SENP5: variants seen among roughly 807,000 people sequenced by gnomAD.
SENP5 encodes the protein SUMO specific peptidase 5.
Under a neutral mutation model 74.2 loss-of-function variants are expected in SENP5, and 21 were observed. That is an observed-to-expected ratio of 0.28 (90% CI 0.20 to 0.41). The LOEUF is 0.41. Ranked by LOEUF, SENP5 falls within the 10% of genes least tolerant of loss-of-function variation. The pLI, the probability that SENP5 is intolerant of heterozygous loss-of-function variation, is 1.00. For synonymous variants in SENP5, 311 were observed against 312.7 expected (o/e 0.99, Z 0.06); for missense variants, 717 against 889.1 (o/e 0.81, Z 2.46).
chr3:196,870,801 A>G (rs1713181790), intron 1 of SENP5, among the ~76,000 whole-genome samples: 1 of 152,024 alleles, frequency 6.6e-6, no homozygotes, highest in South Asian at 2.1e-4. Flanking sequence ...TACAGGTGTG[A>G]GCCACTGTAT....
At chr3:196,888,656 T>C (rs537552573) in intron 2 of SENP5, among the ~76,000 whole-genome samples, 27 of 151,986 alleles carry the variant, frequency 1.8e-4, no homozygotes, top group Admixed American at 3.9e-4. Flanking sequence ...TTAAAAGATA[T>C]ATATGACATA....
intron 1 of SENP5, among the ~76,000 whole-genome samples, chr3:196,875,512 C>G (rs550289948): frequency 6.6e-6 from 1 of 152,126 alleles, no homozygotes; most frequent in Non-Finnish European, 1.5e-5. Context: ...TCTTCTGTTC[C>G]TCATCTACCC....
chr3:196,911,145 G>A (rs557959678), intron 6 of SENP5, among the ~76,000 whole-genome samples: 2 of 152,262 alleles, frequency 1.3e-5, no homozygotes, highest in East Asian at 3.9e-4. Context: ...GTACCATTCA[G>A]GACATAGGCG....
At chr3:196,907,400 G>C (rs540776995) in intron 6 of SENP5, among the ~76,000 whole-genome samples, 1 of 149,078 alleles carries the variant, frequency 6.7e-6, no homozygotes, top group African/African-American at 2.5e-5. Context: ...AGCTTGCAGT[G>C]AGCCAAGATC....
chr3:196,882,465 T>C (rs187164323), intron 1 of SENP5, among the ~76,000 whole-genome samples: 1 of 152,284 alleles, frequency 6.6e-6, no homozygotes, highest in Non-Finnish European at 1.5e-5. Flanking sequence ...TGGTCTGTTT[T>C]TATCCCTAGA....
At chr3:196,928,837 T>G (rs1268104526) in intron 8 of SENP5, among the ~76,000 whole-genome samples, 1 of 152,328 alleles carries the variant, frequency 6.6e-6, no homozygotes, top group East Asian at 1.9e-4. Flanking sequence ...GTATTCTAAA[T>G]TTAGTCAGGA....
chr3:196,898,259 A>G (rs1015171672), intron 2 of SENP5, among the ~76,000 whole-genome samples: 2 of 151,512 alleles, frequency 1.3e-5, no homozygotes, highest in Non-Finnish European at 2.9e-5. Context: ...TCATTCAGGG[A>G]TATATATAAG....
chr3:196,904,964 A>C (rs115481376), intron 6 of SENP5: 1 of 152,134 alleles, frequency 6.6e-6, no homozygotes, highest in Non-Finnish European at 1.5e-5. Context: ...TTCAGGCGCT[A>C]TCTTCGCTCA....
At chr3:196,884,218 C>T (rs572925729) in intron 1 of SENP5, among the ~76,000 whole-genome samples, 1 of 152,214 alleles carries the variant, frequency 6.6e-6, no homozygotes, top group Non-Finnish European at 1.5e-5. Flanking sequence ...CCACGCTCCT[C>T]TGTTACCAGT....
At position 196,886,564 on chromosome 3, in the gene SENP5, T is replaced by A. The variant is rs539480129; in HGVS notation, c.1383T>A (p.Pro461=). The A allele has an allele frequency of 1.9e-6, 3 of 1,614,000 alleles. No individual in the cohort carries two copies. Among genetic ancestry groups the A allele is most frequent in the African/African-American group, 2.7e-5 (2 of 75,062 alleles). The part of the protein sequence containing the change: ...SILSSELLDH[P]YCKSPLEAPL... Reference sequence around the variant, plus strand: ...TTAGTTCTGAGTTGCTGGACCACCCTTACTGTAAAAGTCCACTGGAGGCTC... The same window carrying A: ...TTAGTTCTGAGTTGCTGGACCACCCATACTGTAAAAGTCCACTGGAGGCTC... The change falls in exon 2 of 10, where the codon CCT becomes CCA. Residue 461 remains proline, a synonymous_variant. Transcript: ENST00000323460.
chr3:196,922,301 T>C (rs1715649156), intron 6 of SENP5, among the ~76,000 whole-genome samples: 1 of 152,214 alleles, frequency 6.6e-6, no homozygotes, highest in Admixed American at 6.5e-5. Flanking sequence ...TTACCAGTCA[T>C]GTGACTAATA....
intron 1 of SENP5, among the ~76,000 whole-genome samples, chr3:196,876,630 CTA>C (rs1713484793): frequency 6.6e-6 from 1 of 150,408 alleles, no homozygotes; most frequent in Admixed American, 6.7e-5. Flanking sequence ...TGGCTCGTGT[CTA>C]TAATCTCAGC....
At chr3:196,869,759 CAAAAAAAA>C (rs58745670) in intron 1 of SENP5, among the ~76,000 whole-genome samples, 2 of 37,982 alleles carry the variant, frequency 5.3e-5, no homozygotes, top group East Asian at 8.7e-4. Flanking sequence ...AACTCCGTCT[CAAAAAAAA>C]AAAAAAAAAA....
At chr3:196,923,103 CCAGGT>C in intron 6 of SENP5, among the ~76,000 whole-genome samples, 1 of 152,118 alleles carries the variant, frequency 6.6e-6, no homozygotes, top group Admixed American at 6.5e-5. Flanking sequence ...AGAGTTGAAT[CCAGGT>C]TAAATATGTA....
At chr3:196,912,379 C>G (rs1426803988) in intron 6 of SENP5, among the ~76,000 whole-genome samples, 2 of 152,022 alleles carry the variant, frequency 1.3e-5, no homozygotes, top group Non-Finnish European at 2.9e-5. Context: ...AATAAGAACA[C>G]ATGGACATAG....
At chr3:196,912,221 A>G (rs1715163629) in intron 6 of SENP5, among the ~76,000 whole-genome samples, 1 of 152,236 alleles carries the variant, frequency 6.6e-6, no homozygotes, top group Non-Finnish European at 1.5e-5. Context: ...GTACATACGC[A>G]CCATGGAATA....
chr3:196,870,321 A>G (rs140723133), intron 1 of SENP5, among the ~76,000 whole-genome samples: 1 of 152,096 alleles, frequency 6.6e-6, no homozygotes, highest in African/African-American at 2.4e-5. Flanking sequence ...AATTAAGGTA[A>G]ATAGGCCATC....
chr3:196,903,680 A>G, intron 6 of SENP5, 70 bp downstream of exon 6: 1 of 863,774 alleles, frequency 1.2e-6, no homozygotes, highest in Non-Finnish European at 1.8e-6. Context: ...GTGGAAGGAT[A>G]AGTACTTTAA....
intron 2 of SENP5, among the ~76,000 whole-genome samples, chr3:196,891,638 C>CA (rs1162841629): frequency 6.6e-6 from 1 of 152,078 alleles, no homozygotes; most frequent in Non-Finnish European, 1.5e-5. Context: ...TCTATTGCTA[C>CA]AAAAAATAAA....
Sources: gnomAD v4.1 joint callset for allele counts (sites outside exome capture counted in the v4.1 genomes callset) on GRCh38, gnomAD v4.1.1 for gene constraint, MANE v1.5 for transcripts, NCBI Gene and HGNC (gene_info 2026-07-23, HGNC 2026-07-21) for gene names.